The following ADGRB3 variants were observed in gnomAD, a reference collection of about 807,000 sequenced individuals.
ADGRB3 encodes adhesion G protein-coupled receptor B3, also known as brain-specific angiogenesis inhibitor 3.
ADGRB3 carries 37 observed loss-of-function variants against 193.4 expected under a neutral mutation model. The observed-to-expected ratio is 0.19, with a 90% CI of 0.15 to 0.25. The LOEUF (loss-of-function observed/expected upper bound fraction) is 0.25. Among genes scored for constraint, ADGRB3 ranks in the 10% least tolerant of loss-of-function variants. The probability of loss-of-function intolerance (pLI) is 1.00; values close to 1 mark genes in which losing one functional copy is unlikely to be tolerated. For missense variants in ADGRB3, 1,637 were observed against 1,852.9 expected, an observed-to-expected ratio of 0.88 and a Z score of 2.14; for synonymous variants, 690 against 644.2, an observed-to-expected ratio of 1.07 and a Z score of -1.08.
At chr6:68,884,153 CTTACTT>C (rs1446048591) in intron 3 of ADGRB3, among the ~76,000 whole-genome samples, 1 of 152,060 alleles carries the variant, frequency 6.6e-6, no homozygotes, top group Non-Finnish European at 1.5e-5. Context: ...TTTAAATCGA[CTTACTT>C]TTAGATTCAA....
intron 17 of ADGRB3, among the ~76,000 whole-genome samples, chr6:69,192,464 A>G (rs1313317391): frequency 6.6e-6 from 1 of 152,060 alleles, no homozygotes; most frequent in Non-Finnish European, 1.5e-5. Context: ...CTCAAATGTT[A>G]ATCTCCTTTG....
intron 17 of ADGRB3, among the ~76,000 whole-genome samples, chr6:69,129,736 G>A (rs1471063466): frequency 6.6e-6 from 1 of 152,130 alleles, no homozygotes; most frequent in Non-Finnish European, 1.5e-5. Flanking sequence ...TTCAGGTCAG[G>A]TGTAAATGAT....
At chr6:69,028,713 CTTG>C (rs1770516027) in intron 13 of ADGRB3, among the ~76,000 whole-genome samples, 1 of 152,170 alleles carries the variant, frequency 6.6e-6, no homozygotes, top group Admixed American at 6.6e-5. Flanking sequence ...AATACTCTTT[CTTG>C]TTGTGAGTAA....
rs1326703455 is a variant in ADGRB3, at chr6:68,724,898, G to A, written c.757+85466G>A. Reference sequence around the variant, plus strand: ...TATTGTTACAAAGTTTATAACAAAGGCATGTTTGCAACTAGCGTACACACC... The same window carrying A: ...TATTGTTACAAAGTTTATAACAAAGACATGTTTGCAACTAGCGTACACACC... On this transcript the variant is annotated intron_variant, in intron 3 of 31. Coordinates refer to ENST00000370598, the MANE Select transcript of ADGRB3 (RefSeq NM_001704.3). Among the ~76,000 whole-genome samples, 11 of 151,608 alleles carry A rather than the reference G, an allele frequency of 7.3e-5. No individual in the cohort carries two copies. In the Admixed American group the frequency reaches 7.3e-4, roughly 10 times the overall value.
intron 3 of ADGRB3, among the ~76,000 whole-genome samples, chr6:68,927,886 A>G (rs1272766865): frequency 1.3e-5 from 2 of 152,128 alleles, no homozygotes; most frequent in Non-Finnish European, 2.9e-5. Context: ...ACAATAATCA[A>G]CAATTCCAAT....
intron 3 of ADGRB3, among the ~76,000 whole-genome samples, chr6:68,648,258 T>C (rs1768261652): frequency 6.6e-6 from 1 of 152,168 alleles, no homozygotes; most frequent in Admixed American, 6.5e-5. Flanking sequence ...TTTTAAATGT[T>C]TGCTGATGTG....
intron 17 of ADGRB3, among the ~76,000 whole-genome samples, chr6:69,224,162 G>A (rs1408150848): frequency 6.6e-6 from 1 of 151,790 alleles, no homozygotes; most frequent in Non-Finnish European, 1.5e-5. Flanking sequence ...TCATATTTGA[G>A]ATTAATCATT....
chr6:69,004,737 C>T (rs947296222), intron 11 of ADGRB3, among the ~76,000 whole-genome samples: 2 of 152,120 alleles, frequency 1.3e-5, no homozygotes, highest in Non-Finnish European at 2.9e-5. Context: ...TTTTTAACAG[C>T]CCTATGTCCA....
intron 20 of ADGRB3, among the ~76,000 whole-genome samples, chr6:69,250,026 A>G (rs1357205620): frequency 6.6e-6 from 1 of 152,212 alleles, no homozygotes; most frequent in Non-Finnish European, 1.5e-5. Context: ...AACAGTAAAC[A>G]CATAAGCAGA....
intron 11 of ADGRB3, among the ~76,000 whole-genome samples, chr6:69,003,884 G>A (rs562900574): frequency 1.3e-5 from 2 of 152,312 alleles, no homozygotes; most frequent in African/African-American, 4.8e-5. Context: ...CACGTAGGAA[G>A]AGGAAGAGAG....
chr6:69,120,999 C>CTTTTTTTTTTTTTTTTTTTTT (rs36095516), intron 17 of ADGRB3, among the ~76,000 whole-genome samples: 1 of 123,566 alleles, frequency 8.1e-6, no homozygotes, highest in Non-Finnish European at 1.7e-5. Context: ...ATGCAGTTAT[C>CTTTTTTTTTTTTTTTTTTTTT]TTTTTTTTTT....
intron 17 of ADGRB3, among the ~76,000 whole-genome samples, chr6:69,178,684 A>C (rs1196154760): frequency 6.6e-6 from 1 of 152,172 alleles, no homozygotes. Context: ...GCCTCAAAAA[A>C]ATTTGTTTCT....
At chr6:69,135,096 A>G (rs887932831) in intron 17 of ADGRB3, among the ~76,000 whole-genome samples, 6 of 152,050 alleles carry the variant, frequency 3.9e-5, no homozygotes, top group African/African-American at 1.2e-4. Flanking sequence ...GATGTACTCT[A>G]TAGAGACATG....
chr6:68,765,824 A>G (rs1766498434), intron 3 of ADGRB3, among the ~76,000 whole-genome samples: 1 of 152,060 alleles, frequency 6.6e-6, no homozygotes, highest in Non-Finnish European at 1.5e-5. Flanking sequence ...TATTTCATGA[A>G]ATTATGAAAA....
chr6:68,914,859 A>G (rs1304694281), intron 3 of ADGRB3, among the ~76,000 whole-genome samples: 1 of 152,202 alleles, frequency 6.6e-6, no homozygotes, highest in East Asian at 1.9e-4. Context: ...GTATCTTAAT[A>G]TCAATTCACA....
At chr6:69,337,548 G>A (rs1003429890) in intron 24 of ADGRB3, among the ~76,000 whole-genome samples, 1 of 152,086 alleles carries the variant, frequency 6.6e-6, no homozygotes, top group African/African-American at 2.4e-5. Context: ...GTCCAATAAG[G>A]CATTCCTAAA....
At chr6:69,045,376 A>C (rs1007897828) in intron 13 of ADGRB3, among the ~76,000 whole-genome samples, 12 of 152,282 alleles carry the variant, frequency 7.9e-5, no homozygotes, top group African/African-American at 2.6e-4. Context: ...ATATTTGTAA[A>C]AACATGTATA....
intron 17 of ADGRB3, among the ~76,000 whole-genome samples, chr6:69,156,503 G>A (rs1774843665): frequency 6.6e-6 from 1 of 152,152 alleles, no homozygotes; most frequent in South Asian, 2.1e-4. Flanking sequence ...TACCTGGCTA[G>A]GTATATTTGA....
At chr6:69,003,507 C>T (rs1461137374) in intron 11 of ADGRB3, among the ~76,000 whole-genome samples, 6 of 152,038 alleles carry the variant, frequency 3.9e-5, no homozygotes, top group African/African-American at 1.2e-4. Context: ...GGATGCCTGG[C>T]TCAGTAGAAA....
Sources: gnomAD v4.1 joint callset for allele counts (sites outside exome capture counted in the v4.1 genomes callset) on GRCh38, gnomAD v4.1.1 for gene constraint, MANE v1.5 for transcripts, NCBI Gene and HGNC (gene_info 2026-07-23, HGNC 2026-07-21) for gene names.